Variants in DNAJC5B observed in about 807,000 individuals in gnomAD.
The protein encoded by DNAJC5B is dnaJ homolog subfamily C member 5B.
DNAJC5B carries 23 observed loss-of-function variants against 24.7 expected under a neutral mutation model. The ratio of observed to expected loss-of-function variants is 0.93; its 90% CI spans 0.67 to 1.32. The LOEUF is 1.32. Ranked by LOEUF, DNAJC5B falls within the 40% of genes most tolerant of loss-of-function variation. The pLI, the probability that DNAJC5B is intolerant of heterozygous loss-of-function variation, is 0.00. For synonymous variants in DNAJC5B, 101 were observed against 90.1 expected (o/e 1.12, Z -0.68); for missense variants, 238 against 240.8 (o/e 0.99, Z 0.08).
chr8:66,089,410 A>G (rs1323055911), intron 5 of DNAJC5B, among the ~76,000 whole-genome samples: 2 of 152,224 alleles, frequency 1.3e-5, no homozygotes, highest in East Asian at 1.9e-4. Context: ...AGTACATGTT[A>G]TAGGACATTA....
intron 1 of DNAJC5B, among the ~76,000 whole-genome samples, chr8:66,034,358 TTC>T (rs1806433161): frequency 6.6e-6 from 1 of 151,842 alleles, no homozygotes; most frequent in Non-Finnish European, 1.5e-5. Flanking sequence ...AGTGCCAGCA[TTC>T]ACCCCACCAG....
At chr8:66,027,016 T>C (rs566243786) in intron 1 of DNAJC5B, among the ~76,000 whole-genome samples, 1 of 152,302 alleles carries the variant, frequency 6.6e-6, no homozygotes, top group South Asian at 2.1e-4. Flanking sequence ...GTTTGGGCTT[T>C]TAGGATACCC....
chr8:66,065,573 C>T (rs529448765), intron 3 of DNAJC5B, among the ~76,000 whole-genome samples: 1 of 152,278 alleles, frequency 6.6e-6, no homozygotes, highest in South Asian at 2.1e-4. Context: ...CAGCCACATA[C>T]TGTACTCAAG....
chr8:66,094,497 G>C (rs1807909403), intron 5 of DNAJC5B, among the ~76,000 whole-genome samples: 1 of 151,936 alleles, frequency 6.6e-6, no homozygotes. Context: ...CAAGAAACTA[G>C]GTAAACTCTC....
In DNAJC5B at chr8:66,041,641, C is replaced by T. The variant is rs117011086; in HGVS notation, c.-141-1847C>T. ...ATATACTAAGTTCTTTTTTTCAAAA[C>T]ATAAATGATCCACTTGGCAATGCTT... is the stretch of plus-strand genomic sequence containing the variant. On this transcript the variant is annotated intron_variant, in intron 1 of 5. Coordinates refer to ENST00000276570, the MANE Select transcript of DNAJC5B (RefSeq NM_033105.6). 5.1e-4 allele frequency among the ~76,000 whole-genome samples: 77 copies of T among 152,230 alleles called. No individual in the cohort carries two copies. The East Asian group carries it at 0.014, about 27-fold the overall frequency.
chr8:66,052,144 G>T (rs1160457684), intron 3 of DNAJC5B, among the ~76,000 whole-genome samples: 5 of 147,506 alleles, frequency 3.4e-5, no homozygotes, highest in African/African-American at 1.3e-4. Context: ...TTTTAGTAGA[G>T]ATGGGGTTTC....
upstream of DNAJC5B, among the ~76,000 whole-genome samples, chr8:66,021,108 T>G (rs1417813465): frequency 6.6e-6 from 1 of 152,214 alleles, no homozygotes; most frequent in Non-Finnish European, 1.5e-5. Context: ...CCTGTGTTGC[T>G]GGGGAAACAT....
intron 1 of DNAJC5B, among the ~76,000 whole-genome samples, chr8:66,035,757 G>A (rs1466700206): frequency 6.6e-6 from 1 of 152,184 alleles, no homozygotes; most frequent in Non-Finnish European, 1.5e-5. Flanking sequence ...CGTTACGGCA[G>A]CCTGGGGAAT....
intron 5 of DNAJC5B, among the ~76,000 whole-genome samples, chr8:66,091,732 G>A (rs1807852651): frequency 6.6e-6 from 1 of 152,154 alleles, no homozygotes; most frequent in African/African-American, 2.4e-5. Flanking sequence ...AAGTGCAAGA[G>A]TGGTAGGATT....
intron 1 of DNAJC5B, among the ~76,000 whole-genome samples, chr8:66,032,738 C>G (rs981823476): frequency 6.6e-6 from 1 of 152,254 alleles, no homozygotes; most frequent in African/African-American, 2.4e-5. Context: ...CACCCACGAG[C>G]AGGCCTGGGC....
intron 2 of DNAJC5B, among the ~76,000 whole-genome samples, chr8:66,044,549 T>C (rs573978132): frequency 1.3e-5 from 2 of 152,200 alleles, no homozygotes; most frequent in South Asian, 4.1e-4. Context: ...TTAGAATCTT[T>C]AAAATTTTTG....
chr8:66,026,579 G>A (rs1314476028), intron 1 of DNAJC5B, among the ~76,000 whole-genome samples: 4 of 152,358 alleles, frequency 2.6e-5, no homozygotes, highest in Admixed American at 6.5e-5. Flanking sequence ...CTGGATCTCC[G>A]ACACGCGCAG....
intron 2 of DNAJC5B, among the ~76,000 whole-genome samples, chr8:66,046,322 A>G (rs1470353396): frequency 6.6e-6 from 1 of 152,130 alleles, no homozygotes; most frequent in Non-Finnish European, 1.5e-5. Context: ...TTGCCACCAT[A>G]GCCCTTAGAT....
chr8:66,099,943 A>G lies in DNAJC5B; in HGVS notation c.512A>G (p.Asp171Gly), dbSNP rs1808037539. 1 of 1,613,712 alleles carries G rather than the reference A, an allele frequency of 6.2e-7. No homozygotes were observed. Among genetic ancestry groups the G allele is most frequent in the African/African-American group, 1.3e-5 (1 of 74,912 alleles). Residue 171 changes from aspartate to glycine, a missense_variant, in exon 6 of 6, where the codon GAC becomes GGC. By Grantham distance (94) the Asp-to-Gly change is moderately conservative. Coordinates refer to ENST00000276570, the MANE Select transcript of DNAJC5B (RefSeq NM_033105.6). ...TTGCTTTGTTTATTTTTAGATGTGG[A>G]CTTTCCAGTTTTTCTCCAGCCTACA... ...QIKSDMEKDV[D>G]FPVFLQPTNA...
chr8:66,070,015 C>T (rs1807310931), intron 3 of DNAJC5B, among the ~76,000 whole-genome samples: 2 of 152,174 alleles, frequency 1.3e-5, no homozygotes, highest in Non-Finnish European at 2.9e-5. Flanking sequence ...AACAGCCCTT[C>T]ATGCTAAAAA....
intron 1 of DNAJC5B, among the ~76,000 whole-genome samples, chr8:66,026,341 T>C (rs559770230): frequency 7.9e-5 from 12 of 152,204 alleles, no homozygotes; most frequent in Non-Finnish European, 1.5e-4. Context: ...GATGGGGTTT[T>C]TGCGGTTTTG....
intron 3 of DNAJC5B, among the ~76,000 whole-genome samples, chr8:66,072,466 A>G (rs193089921): frequency 1.3e-5 from 2 of 152,338 alleles, no homozygotes; most frequent in East Asian, 3.9e-4. Flanking sequence ...TACCCTTTTC[A>G]AACACACATG....
chr8:66,093,097 A>T (rs1807880797), intron 5 of DNAJC5B, among the ~76,000 whole-genome samples: 1 of 152,142 alleles, frequency 6.6e-6, no homozygotes, highest in Non-Finnish European at 1.5e-5. Context: ...TCACTGTTGT[A>T]TAATATTTTG....
At chr8:66,087,306 C>A (rs1176869251) in intron 5 of DNAJC5B, among the ~76,000 whole-genome samples, 1 of 152,150 alleles carries the variant, frequency 6.6e-6, no homozygotes, top group East Asian at 1.9e-4. Context: ...ATGAGGGAAA[C>A]CAGCCCCATA....
Sources: gnomAD v4.1 joint callset for allele counts (sites outside exome capture counted in the v4.1 genomes callset) on GRCh38, gnomAD v4.1.1 for gene constraint, MANE v1.5 for transcripts, NCBI Gene and HGNC (gene_info 2026-07-23, HGNC 2026-07-21) for gene names.